The following TMTC1 variants were observed in gnomAD, a reference collection of about 807,000 sequenced individuals.
TMTC1 encodes protein O-mannosyl-transferase TMTC1.
Under a neutral mutation model 104.8 loss-of-function variants are expected in TMTC1, and 73 were observed. The observed-to-expected ratio is 0.70, with a 90% CI of 0.58 to 0.85. TMTC1 has a LOEUF of 0.85. TMTC1 is among the 40% of genes least tolerant of loss of function. The probability of loss-of-function intolerance (pLI) is 0.00; values close to 1 mark genes in which losing one functional copy is unlikely to be tolerated. For synonymous variants in TMTC1, 434 were observed against 428.7 expected, an observed-to-expected ratio of 1.01 and a Z score of -0.15; for missense variants, 1,035 against 1,096.1, an observed-to-expected ratio of 0.94 and a Z score of 0.79.
intron 9 of TMTC1, among the ~76,000 whole-genome samples, chr12:29,571,314 T>C (rs77786171): frequency 0.013 from 1,993 of 152,174 alleles, 43 homozygotes; most frequent in African/African-American, 0.045. Context: ...ACATGTATTA[T>C]CTGGGGTGTT....
rs542897231 is a variant in TMTC1, at chr12:29,719,121, A to G, written c.938+32545T>C. 1.4e-3 allele frequency among the ~76,000 whole-genome samples: 215 copies of G among 152,334 alleles called. 2 individuals carry two copies. The highest frequency in any genetic ancestry group is 4.7e-3 in the African/African-American group (194 of 41,570). On this transcript the variant is annotated intron_variant, in intron 5 of 17. Transcript: ENST00000539277. The stretch of plus-strand genomic sequence containing the variant: ...CTCTCTCTTTTTTGTGGTAAATAAA[A>G]TAATAGTGCATTTGAAAATTGGTGG...
At chr12:29,760,779 A>G (rs1441320111) in intron 2 of TMTC1, among the ~76,000 whole-genome samples, 1 of 150,940 alleles carries the variant, frequency 6.6e-6, no homozygotes, top group Non-Finnish European at 1.5e-5. Flanking sequence ...GTTACATTTT[A>G]TTGCATATTA....
intron 17 of TMTC1, among the ~76,000 whole-genome samples, chr12:29,508,747 T>C (rs149827442): frequency 1.4e-3 from 214 of 152,252 alleles, no homozygotes; most frequent in African/African-American, 5.1e-3. Flanking sequence ...GGCTAATTTT[T>C]GTATTTTTGT....
chr12:29,679,071 T>G (rs1382503462), intron 5 of TMTC1, among the ~76,000 whole-genome samples: 12 of 152,188 alleles, frequency 7.9e-5, no homozygotes, highest in Admixed American at 5.9e-4. Context: ...AATAGCTAAA[T>G]AAATTTTCAT....
intron 6 of TMTC1, among the ~76,000 whole-genome samples, chr12:29,630,396 ACT>A (rs1400813063): frequency 6.6e-6 from 1 of 152,110 alleles, no homozygotes; most frequent in East Asian, 1.9e-4. Flanking sequence ...TCTCGTGAGA[ACT>A]CTCTCACTAT....
chr12:29,551,533 C>T (rs1945102570), intron 10 of TMTC1, among the ~76,000 whole-genome samples: 1 of 152,058 alleles, frequency 6.6e-6, no homozygotes, highest in Non-Finnish European at 1.5e-5. Flanking sequence ...TAATACCTAC[C>T]TAACACTCAT....
At chr12:29,576,871 G>A (rs1354876064) in intron 8 of TMTC1, among the ~76,000 whole-genome samples, 2 of 151,872 alleles carry the variant, frequency 1.3e-5, no homozygotes, top group African/African-American at 4.8e-5. Context: ...ATTTCACTGT[G>A]GATATGCATA....
intron 1 of TMTC1, among the ~76,000 whole-genome samples, chr12:29,769,308 C>G (rs552494623): frequency 6.6e-6 from 1 of 152,262 alleles, no homozygotes; most frequent in South Asian, 2.1e-4. Flanking sequence ...GCCTAGAAAA[C>G]TAAATTGTTG....
intron 6 of TMTC1, among the ~76,000 whole-genome samples, chr12:29,629,966 T>C (rs1938213504): frequency 6.6e-6 from 1 of 152,204 alleles, no homozygotes; most frequent in African/African-American, 2.4e-5. Context: ...ATTTAATCGT[T>C]TTTTATACTT....
intron 11 of TMTC1, among the ~76,000 whole-genome samples, chr12:29,530,881 G>A (rs1944483902): frequency 6.6e-6 from 1 of 152,188 alleles, no homozygotes; most frequent in Non-Finnish European, 1.5e-5. Context: ...TGACTAGAAA[G>A]CTTTTCCTTT....
chr12:29,592,935 C>T (rs527302876), intron 7 of TMTC1, among the ~76,000 whole-genome samples: 36 of 152,244 alleles, frequency 2.4e-4, no homozygotes, highest in African/African-American at 7.9e-4. Context: ...ACCAGGTTAC[C>T]GTAAGTATAG....
In TMTC1 at chr12:29,606,737, G is replaced by A. The variant is rs374172367; in HGVS notation, c.1129-2438C>T. 7.0e-4 allele frequency among the ~76,000 whole-genome samples: 107 copies of A among 152,214 alleles called. 3 individuals carry two copies. Among genetic ancestry groups the A allele is most frequent in the African/African-American group, 1.8e-3 (73 of 41,544 alleles). On this transcript the variant is annotated intron_variant, in intron 6 of 17. Transcript: ENST00000539277. The stretch of plus-strand genomic sequence containing the variant: ...TGTTTTACCCAATGAGCCACCCCAC[G>A]GCCCCTCATCAAGGTTATTGGGAAA...
intron 15 of TMTC1, among the ~76,000 whole-genome samples, chr12:29,515,173 A>G (rs74081046): frequency 0.013 from 1,948 of 152,272 alleles, 49 homozygotes; most frequent in African/African-American, 0.045. Flanking sequence ...CAGTTGAAAG[A>G]AAACAAGATT....
chr12:29,677,143 T>C (rs916585702), intron 5 of TMTC1, among the ~76,000 whole-genome samples: 1 of 152,214 alleles, frequency 6.6e-6, no homozygotes, highest in African/African-American at 2.4e-5. Context: ...TTCACTGGCC[T>C]CTAATTTTGC....
chr12:29,699,923 T>G (rs1248361478), intron 5 of TMTC1, among the ~76,000 whole-genome samples: 1 of 152,080 alleles, frequency 6.6e-6, no homozygotes, highest in Non-Finnish European at 1.5e-5. Context: ...ATTACAGGCA[T>G]AAGCCACCAT....
chr12:29,707,086 C>T (rs1941766374), intron 5 of TMTC1, among the ~76,000 whole-genome samples: 1 of 152,096 alleles, frequency 6.6e-6, no homozygotes. Context: ...CAATCAATTA[C>T]GAGGCAGAAG....
intron 4 of TMTC1, 112 bp downstream of exon 4, chr12:29,755,597 A>T: frequency 2.3e-6 from 2 of 884,112 alleles, no homozygotes; most frequent in Non-Finnish European, 3.4e-6. Context: ...GTCTAAGGTG[A>T]GATGACATTT....
chr12:29,766,039 ATTTCT>A (rs1431261926), intron 2 of TMTC1, among the ~76,000 whole-genome samples: 1 of 152,142 alleles, frequency 6.6e-6, no homozygotes, highest in African/African-American at 2.4e-5. Context: ...TACTGTCACA[ATTTCT>A]TTTAAGTACA....
At chr12:29,652,724 A>C (rs1033053374) in intron 5 of TMTC1, among the ~76,000 whole-genome samples, 1 of 152,210 alleles carries the variant, frequency 6.6e-6, no homozygotes, top group Non-Finnish European at 1.5e-5. Context: ...AATGGGAAGG[A>C]AAAATTGGGG....
Sources: gnomAD v4.1 joint callset for allele counts (sites outside exome capture counted in the v4.1 genomes callset) on GRCh38, gnomAD v4.1.1 for gene constraint, MANE v1.5 for transcripts, NCBI Gene and HGNC (gene_info 2026-07-23, HGNC 2026-07-21) for gene names.